The following HUWE1 variants were observed in gnomAD, a reference collection of about 807,000 sequenced individuals.
HUWE1 encodes HECT, UBA and WWE domain containing E3 ubiquitin protein ligase 1, also known as E3 ubiquitin-protein ligase HUWE1.
HUWE1 carries 18 observed loss-of-function variants against 299.4 expected under a neutral mutation model. The ratio of observed to expected loss-of-function variants is 0.06; its 90% confidence interval spans 0.04 to 0.09. HUWE1 has a LOEUF of 0.09. Ranked by LOEUF, HUWE1 falls within the 10% of genes least tolerant of loss-of-function variation. The probability of loss-of-function intolerance (pLI) is 1.00; values close to 1 mark genes in which losing one functional copy is unlikely to be tolerated. For synonymous variants in HUWE1, 1,317 were observed against 1,286.1 expected, an observed-to-expected ratio of 1.02 and a Z score of -0.51; for missense variants, 1,832 against 3,462.3, an observed-to-expected ratio of 0.53 and a Z score of 11.82.
At chrX:53,577,509 C>T (rs1250851719) in intron 43 of HUWE1, among the ~76,000 whole-genome samples, 21 of 87,686 alleles carry the variant, frequency 2.4e-4, no homozygotes, top group East Asian at 2.4e-3. Context: ...CTCTCCCTCT[C>T]CCTCTCCCTC....
chrX:53,633,812 A>G (rs184740906), intron 8 of HUWE1, among the ~76,000 whole-genome samples: 7 of 112,427 alleles, frequency 6.2e-5, no homozygotes, highest in East Asian at 2.8e-4. Flanking sequence ...ATAAAACATT[A>G]TAAGTTCTCA....
chrX:53,548,321 G>A, intron 67 of HUWE1, 48 bp from the exon 68 acceptor site: 1 of 1,185,286 alleles, frequency 8.4e-7, no homozygotes, highest in Non-Finnish European at 1.1e-6. Context: ...TCTTCACAGA[G>A]GATGAGCCTT....
intron 24 of HUWE1, among the ~76,000 whole-genome samples, chrX:53,607,940 C>T (rs1252214160): frequency 9.0e-6 from 1 of 111,611 alleles, no homozygotes; most frequent in Non-Finnish European, 1.9e-5. Flanking sequence ...TTCGAGATAA[C>T]AGAGAAGTTA....
intron 49 of HUWE1, among the ~76,000 whole-genome samples, chrX:53,568,348 T>A (rs1378724066): frequency 2.7e-5 from 3 of 111,580 alleles, no homozygotes; most frequent in African/African-American, 6.5e-5. Flanking sequence ...CACTGAATAA[T>A]AAACCAATAA....
At chrX:53,613,409 T>G (rs2065611281) in intron 23 of HUWE1, among the ~76,000 whole-genome samples, 1 of 111,727 alleles carries the variant, frequency 9.0e-6, no homozygotes, top group African/African-American at 3.3e-5. Flanking sequence ...CTCAAATGCA[T>G]TCATAGCTGT....
In HUWE1 at chrX:53,534,540, G is replaced by A; in HGVS notation, c.12807C>T (p.His4269=). 8.3e-7 allele frequency: 1 copy of A among 1,209,380 alleles called. No homozygotes were observed. The highest frequency in any genetic ancestry group is 1.1e-6 in the Non-Finnish European group (1 of 894,068). The part of the protein sequence containing the change: ...IDDLKSNTEY[H]KYQSNSIQIQ... Reference sequence around the variant, plus strand: ...CCTGAATAGAGTTGGACTGGTACTTGTGGTATTCAGTGTTGGATTTCAGAT... The same window carrying A: ...CCTGAATAGAGTTGGACTGGTACTTATGGTATTCAGTGTTGGATTTCAGAT... The change falls in exon 82 of 84, where the codon CAC becomes CAT. Residue 4269 remains histidine (H), a synonymous_variant. Transcript: ENST00000262854.
At chrX:53,621,818 A>C in intron 19 of HUWE1, among the ~76,000 whole-genome samples, 2 of 112,243 alleles carry the variant, frequency 1.8e-5, no homozygotes, top group Non-Finnish European at 3.8e-5. Context: ...ATACAACTAT[A>C]TCTTGCTCCC....
rs782736756 is a variant in HUWE1 at position 53,607,508 on chromosome X, C to T, written c.2496+15G>A. On this transcript the variant is annotated intron_variant, in intron 25 of 83. Transcript: ENST00000262854. ...TCCAGAAAGAAATGAAAACATTTGG[C>T]CAGATGCTTCTTACCAATATGGATT... 1.7e-6 allele frequency: 2 copies of T among 1,204,405 alleles called. No individual in the cohort carries two copies.
intron 11 of HUWE1, 42 bp from the exon 12 acceptor site, chrX:53,631,076 A>G: frequency 1.2e-6 from 1 of 800,990 alleles, no homozygotes; most frequent in Non-Finnish European, 1.9e-6. Context: ...CATCAATGAA[A>G]AAGGTGAATA....
chrX:53,585,786 A>G (rs888530374), intron 39 of HUWE1, among the ~76,000 whole-genome samples: 2 of 111,876 alleles, frequency 1.8e-5, no homozygotes, highest in East Asian at 2.8e-4. Flanking sequence ...TCCCAGGCTC[A>G]AGTGATCTCC....
At position 53,565,092 on chromosome X, in the gene HUWE1, A is replaced by C. The variant is rs373753333; in HGVS notation, c.6855T>G (p.Asp2285Glu). ...CTGGGTCCTGCTGGTTGCTACTGGAATCTTGAGAGGCTCCTTGGGCATCCT... is the reference window on the plus strand; with the variant it reads ...CTGGGTCCTGCTGGTTGCTACTGGACTCTTGAGAGGCTCCTTGGGCATCCT... ...SEQDAQGASQ[D>E]SSSNQQDPGE... The change falls in exon 50 of 84, where the codon GAT becomes GAG. Residue 2285 changes from aspartate (D) to glutamate (E), a missense_variant. This residue lies in a region of HUWE1 where 26 missense variants were observed against 20.7 expected (regional missense o/e 1.26). Transcript: ENST00000262854. 8.3e-7 allele frequency: 1 copy of C among 1,209,932 alleles called. No homozygotes were observed. The highest frequency in any genetic ancestry group is 1.7e-5 in the African/African-American group (1 of 57,156).
intron 9 of HUWE1, 147 bp from the exon 10 acceptor site, chrX:53,631,761 T>C (rs2066891713): frequency 4.2e-6 from 2 of 475,361 alleles, no homozygotes; most frequent in Non-Finnish European, 7.4e-6. Flanking sequence ...CAAGGTAAAT[T>C]GAGAATCTTC....
intron 40 of HUWE1, 60 bp downstream of exon 40, chrX:53,584,952 C>T: frequency 2.6e-6 from 3 of 1,157,949 alleles, no homozygotes; most frequent in Non-Finnish European, 3.5e-6. Flanking sequence ...TCAAAGACAT[C>T]CTGAGCCATA....
At chrX:53,537,176 A>G (rs1326026009) in intron 78 of HUWE1, 1 of 258,197 alleles carries the variant, frequency 3.9e-6, no homozygotes, top group African/African-American at 2.8e-5. Flanking sequence ...CAGTATTACA[A>G]ACTGCTGATC....
At chrX:53,683,604 G>A (rs2070305816) in intron 2 of HUWE1, among the ~76,000 whole-genome samples, 1 of 111,006 alleles carries the variant, frequency 9.0e-6, no homozygotes, top group Non-Finnish European at 1.9e-5. Flanking sequence ...GGGCAAAGGC[G>A]GGCCCACACG....
intron 61 of HUWE1, 142 bp from the exon 62 acceptor site, chrX:53,553,035 T>C: frequency 1.6e-6 from 1 of 632,788 alleles, no homozygotes; most frequent in South Asian, 2.5e-5. Flanking sequence ...CCTCTCAATC[T>C]CACTTTGAGA....
chrX:53,638,724 G>T (rs1271992037), intron 7 of HUWE1, among the ~76,000 whole-genome samples: 1 of 112,029 alleles, frequency 8.9e-6, no homozygotes, highest in Non-Finnish European at 1.9e-5. Context: ...GAGTTAGGTG[G>T]GATGGAGGTG....
chrX:53,590,602 T>C lies in HUWE1; in HGVS notation c.4096-103A>G. 3 of 630,036 alleles carry C rather than the reference T, an allele frequency of 4.8e-6. No individual in the cohort carries two copies. In the South Asian group the frequency reaches 6.8e-5, roughly 14 times the overall value. The allele number at this position is 630,036 out of a possible 1,213,427, so 51.9% of individuals were successfully genotyped here. A position where few individuals can be genotyped will look rare whatever the true frequency, so the allele number is the denominator to read the frequency against. On this transcript the variant is annotated intron_variant, in intron 34 of 83. Coordinates refer to ENST00000262854, the MANE Select transcript of HUWE1 (RefSeq NM_031407.7). ...GCAATCAGACATCTTGTGCTCAAGC[T>C]AAAGAGAGAGGAAGGGCCTCAAAAT...
At chrX:53,665,077 G>A (rs1387916316) in intron 3 of HUWE1, among the ~76,000 whole-genome samples, 4 of 111,591 alleles carry the variant, frequency 3.6e-5, no homozygotes, top group Non-Finnish European at 7.5e-5. Context: ...GTGGTAAAAC[G>A]TGGATTCAAA....
Sources: gnomAD v4.1 joint callset for allele counts (sites outside exome capture counted in the v4.1 genomes callset) on GRCh38, gnomAD v4.1.1 for gene constraint, gnomAD v4.1.1 regional missense constraint, MANE v1.5 for transcripts, NCBI Gene and HGNC (gene_info 2026-07-23, HGNC 2026-07-21) for gene names.